PRR16: variants seen among roughly 807,000 people sequenced by gnomAD.
PRR16 encodes the protein proline rich 16.
A neutral mutation model predicts 18.2 loss-of-function variants in PRR16; 6 were observed. The ratio of observed to expected loss-of-function variants is 0.33; its 90% CI spans 0.18 to 0.65. PRR16 has a LOEUF of 0.65. Among genes scored for constraint, PRR16 ranks in the 30% least tolerant of loss-of-function variants. The pLI, the probability that PRR16 is intolerant of heterozygous loss-of-function variation, is 0.74. For missense variants in PRR16, 412 were observed against 376.6 expected, an observed-to-expected ratio of 1.09 and a Z score of -0.78; for synonymous variants, 151 against 147.8, an observed-to-expected ratio of 1.02 and a Z score of -0.16.
the PRR16 span, among the ~76,000 whole-genome samples, chr5:120,780,667 T>G: frequency 2.0e-5 from 3 of 152,184 alleles, no homozygotes; most frequent in African/African-American, 7.2e-5. Flanking sequence ...TTCAACGTTT[T>G]TTTACAATAC....
chr5:120,787,326 C>A, the PRR16 span, among the ~76,000 whole-genome samples: 1 of 152,058 alleles, frequency 6.6e-6, no homozygotes, highest in East Asian at 1.9e-4. Context: ...TTTAGTGGGT[C>A]TGAGGTAATG....
In PRR16 at chr5:120,664,282, G is replaced by T. The variant is rs979637387; in HGVS notation, c.160-21672G>T. Among the ~76,000 whole-genome samples the T allele has an allele frequency of 3.3e-5, 5 of 150,602 alleles. No individual in the cohort carries two copies. The South Asian group carries it at 1.1e-3, about 32-fold the overall frequency. ...CCATTGCACTCCAGCCTGGGAGACA[G>T]AGTGAAACTCTGTCTCAAAAGAAAA... On this transcript the variant is annotated intron_variant, in intron 1 of 1. Coordinates refer to ENST00000407149, the MANE Select transcript of PRR16 (RefSeq NM_001300783.2).
chr5:120,692,275 A>C (rs1561619497), downstream of PRR16, among the ~76,000 whole-genome samples: 1 of 152,192 alleles, frequency 6.6e-6, no homozygotes, highest in Non-Finnish European at 1.5e-5. Context: ...AAATAACCCC[A>C]GTATCTCAAA....
At chr5:120,651,541 G>A (rs1015949036) in intron 1 of PRR16, among the ~76,000 whole-genome samples, 17 of 152,100 alleles carry the variant, frequency 1.1e-4, no homozygotes, top group Non-Finnish European at 1.8e-4. Context: ...TCAGCTTTCT[G>A]CATATGGCTA....
At chr5:120,658,257 G>A (rs1307480368) in intron 1 of PRR16, 2 of 150,998 alleles carry the variant, frequency 1.3e-5, no homozygotes, top group Admixed American at 6.6e-5. Context: ...AGTGTGACAT[G>A]TATGTCTGCC....
At chr5:120,528,245 G>C (rs1046159326) in intron 1 of PRR16, among the ~76,000 whole-genome samples, 1 of 152,146 alleles carries the variant, frequency 6.6e-6, no homozygotes, top group Admixed American at 6.6e-5. Flanking sequence ...AAAATACTTA[G>C]CTTTTTGAAC....
intron 1 of PRR16, among the ~76,000 whole-genome samples, chr5:120,480,140 C>A (rs897329934): frequency 7.2e-5 from 11 of 152,098 alleles, no homozygotes; most frequent in Admixed American, 1.3e-4. Context: ...TATGGCACAG[C>A]AGTACGAGCC....
the PRR16 span, among the ~76,000 whole-genome samples, chr5:120,765,373 G>A: frequency 6.6e-6 from 1 of 151,986 alleles, no homozygotes; most frequent in Non-Finnish European, 1.5e-5. Flanking sequence ...AACAGTTGTT[G>A]ATTTTGGACT....
At chr5:120,588,697 C>G (rs1469248345) in intron 1 of PRR16, among the ~76,000 whole-genome samples, 1 of 152,146 alleles carries the variant, frequency 6.6e-6, no homozygotes, top group East Asian at 1.9e-4. Context: ...CACAATACCT[C>G]CAAGGTATGC....
At chr5:120,491,564 G>A (rs1311048082) in intron 1 of PRR16, among the ~76,000 whole-genome samples, 1 of 148,636 alleles carries the variant, frequency 6.7e-6, no homozygotes, top group Non-Finnish European at 1.5e-5. Flanking sequence ...TTCCTTACAT[G>A]ATGGAGTCTT....
chr5:120,526,883 C>T (rs1186592614), intron 1 of PRR16, among the ~76,000 whole-genome samples: 1 of 152,116 alleles, frequency 6.6e-6, no homozygotes, highest in Non-Finnish European at 1.5e-5. Context: ...GCCATCACTC[C>T]CAGCCCCTCC....
the PRR16 span, among the ~76,000 whole-genome samples, chr5:120,717,377 T>C: frequency 6.6e-6 from 1 of 152,226 alleles, no homozygotes; most frequent in African/African-American, 2.4e-5. Flanking sequence ...TCATTGTTTC[T>C]GATTTTTTCT....
intron 1 of PRR16, among the ~76,000 whole-genome samples, chr5:120,530,150 A>G (rs907626047): frequency 6.8e-6 from 1 of 148,120 alleles, no homozygotes; most frequent in Non-Finnish European, 1.5e-5. Context: ...TGCTACAGAC[A>G]TATATATGTG....
chr5:120,777,095 G>C, the PRR16 span, among the ~76,000 whole-genome samples: 2 of 151,986 alleles, frequency 1.3e-5, no homozygotes, highest in East Asian at 1.9e-4. Context: ...TTCTCATAGA[G>C]AACCTCTATG....
chr5:120,490,141 G>C (rs11744613), intron 1 of PRR16, among the ~76,000 whole-genome samples: 152,134 of 152,136 alleles, frequency 1, 76,066 homozygotes, highest in Non-Finnish European at 1. Context: ...TGGAGTTGCT[G>C]TTCTCGAGGA....
chr5:120,697,425 TC>T, the PRR16 span, among the ~76,000 whole-genome samples: 5 of 152,232 alleles, frequency 3.3e-5, no homozygotes, highest in African/African-American at 1.2e-4. Flanking sequence ...CAGATGGCAT[TC>T]TCCTTAAACC....
chr5:120,712,670 T>C, the PRR16 span, among the ~76,000 whole-genome samples: 1 of 152,154 alleles, frequency 6.6e-6, no homozygotes. Context: ...ATTAACATTT[T>C]TCCAAAGAAG....
chr5:120,665,260 G>T lies in PRR16; in HGVS notation c.160-20694G>T, dbSNP rs543684206. 8.0e-3 allele frequency among the ~76,000 whole-genome samples: 1,210 copies of T among 150,630 alleles called. 6 individuals are homozygous for T. Among genetic ancestry groups the T allele is most frequent in the Non-Finnish European group, 0.012 (792 of 67,654 alleles). ...TTTGGCTACATAAATGTCTTCTTTT[G>T]AGAAGTGTCTGTTCATATCCTTCAC... On this transcript the variant is annotated intron_variant, in intron 1 of 1. Coordinates refer to ENST00000407149, the MANE Select transcript of PRR16 (RefSeq NM_001300783.2).
At chr5:120,761,012 T>A in the PRR16 span, among the ~76,000 whole-genome samples, 1 of 152,056 alleles carries the variant, frequency 6.6e-6, no homozygotes, top group Non-Finnish European at 1.5e-5. Flanking sequence ...CAGGTCACAT[T>A]TTCTAAAGAA....
Sources: gnomAD v4.1 joint callset for allele counts (sites outside exome capture counted in the v4.1 genomes callset) on GRCh38, gnomAD v4.1.1 for gene constraint, MANE v1.5 for transcripts, NCBI Gene and HGNC (gene_info 2026-07-23, HGNC 2026-07-21) for gene names.